Variants in PDK3 observed in about 807,000 individuals in gnomAD.
PDK3 encodes pyruvate dehydrogenase kinase, isozyme 3.
PDK3 carries 12 observed loss-of-function variants against 32.0 expected under a neutral mutation model. That is an observed-to-expected ratio of 0.37 (90% CI 0.24 to 0.61). The LOEUF is 0.61. Among genes scored for constraint, PDK3 ranks in the 20% least tolerant of loss-of-function variants. PDK3 has a pLI of 0.65. For missense variants in PDK3, 188 were observed against 316.9 expected (o/e 0.59, Z 3.09); for synonymous variants, 122 against 116.3 (o/e 1.05, Z -0.31).
At chrX:24,496,769 ATC>A (rs1921721356) in intron 2 of PDK3, among the ~76,000 whole-genome samples, 6 of 73,018 alleles carry the variant, frequency 8.2e-5, no homozygotes, top group Non-Finnish European at 9.7e-5. Context: ...CCTCAAAATA[ATC>A]TTTTTTTTTT....
Position 24,527,638 on chromosome X carries a change from C to T in PDK3, c.815C>T (p.Thr272Ile). 8.4e-7 allele frequency: 1 copy of T among 1,186,326 alleles called. No homozygotes were observed. The highest frequency in any genetic ancestry group is 2.4e-4 in the Middle Eastern group (1 of 4,254). ...AAAGAGGGCTACCCTGCTGTTAAAA[C>T]CCTCGTTACTTTGGGTAAAGAAGAC... ...DRKEGYPAVK[T>I]LVTLGKEDLS... The change falls in exon 8 of 11, where the codon ACC becomes ATC. Residue 272 changes from threonine (T) to isoleucine (I), a missense_variant. Transcript: ENST00000379162.
chrX:24,467,856 T>C (rs1940077225), intron 1 of PDK3, among the ~76,000 whole-genome samples: 1 of 111,759 alleles, frequency 8.9e-6, no homozygotes, highest in Admixed American at 9.5e-5. Context: ...AGTGGATAAG[T>C]GAATGAAGCC....
chrX:24,479,579 T>G (rs1921196371), intron 1 of PDK3, among the ~76,000 whole-genome samples: 1 of 110,635 alleles, frequency 9.0e-6, no homozygotes, highest in South Asian at 3.8e-4. Flanking sequence ...AGATCAGCAG[T>G]TTGAGACCAG....
At chrX:24,526,082 A>C (rs969000434) in intron 6 of PDK3, 116 bp from the exon 7 acceptor site, 5 of 524,335 alleles carry the variant, frequency 9.5e-6, no homozygotes, top group Non-Finnish European at 1.3e-5. Flanking sequence ...TGGAAACTCA[A>C]ATTAGCCTTT....
At chrX:24,544,856 G>C (rs768969440) in exon 12 of PDK3, among the ~76,000 whole-genome samples, 2 of 112,073 alleles carry the variant, frequency 1.8e-5, no homozygotes, top group East Asian at 5.6e-4. Flanking sequence ...CTTAAACATT[G>C]ACTTTGAAGC....
chrX:24,496,568 C>CTTTTTTTTTTTTGTTTTTTTT (rs1921708734), intron 2 of PDK3, among the ~76,000 whole-genome samples: 1 of 39,324 alleles, frequency 2.5e-5, no homozygotes, highest in Non-Finnish European at 4.4e-5. Context: ...CTACCCCCAT[C>CTTTTTTTTTTTTGTTTTTTTT]TTTTTTTTTT....
rs752980980 is a variant in PDK3 at position 24,534,075 on chromosome X, T to C, written c.*3T>C. The C allele has an allele frequency of 4.2e-6, 5 of 1,191,166 alleles. No individual in the cohort carries two copies. The African/African-American group carries it at 7.0e-5, about 17-fold the overall frequency. ...CAAAATACAAAGCAAAACAGTAATA[T>C]ACCACCTTGATTTCCATTACAAAGT... On this transcript the variant is annotated 3_prime_UTR_variant, in exon 11 of 11. Transcript: ENST00000379162.
At chrX:24,495,541 C>T (rs894176908) in intron 2 of PDK3, among the ~76,000 whole-genome samples, 1 of 112,145 alleles carries the variant, frequency 8.9e-6, no homozygotes, top group African/African-American at 3.2e-5. Flanking sequence ...GATACTTCAC[C>T]TATGTTTATA....
At chrX:24,517,902 C>T (rs1164548251) in intron 5 of PDK3, among the ~76,000 whole-genome samples, 1 of 112,078 alleles carries the variant, frequency 8.9e-6, no homozygotes, top group African/African-American at 3.2e-5. Context: ...TTGTGTGGCT[C>T]ATGGAAATCT....
intron 6 of PDK3, among the ~76,000 whole-genome samples, chrX:24,523,625 C>T (rs780626857): frequency 8.9e-6 from 1 of 112,302 alleles, no homozygotes; most frequent in Non-Finnish European, 1.9e-5. Flanking sequence ...GTACTCTGGC[C>T]GGGTTCAGCC....
exon 12 of PDK3, among the ~76,000 whole-genome samples, chrX:24,544,381 A>G (rs775188349): frequency 5.5e-5 from 6 of 109,633 alleles, no homozygotes; most frequent in African/African-American, 1.7e-4. Flanking sequence ...TCGGCTCCAG[A>G]GTTGGTTTCT....
At chrX:24,478,891 G>T (rs988669176) in intron 1 of PDK3, among the ~76,000 whole-genome samples, 3 of 111,978 alleles carry the variant, frequency 2.7e-5, no homozygotes, top group African/African-American at 6.5e-5. Flanking sequence ...AGGGCATGGA[G>T]GTCAGTATAT....
At chrX:24,517,382 C>G (rs1372277676) in intron 5 of PDK3, among the ~76,000 whole-genome samples, 1 of 110,654 alleles carries the variant, frequency 9.0e-6, no homozygotes, top group African/African-American at 3.3e-5. Flanking sequence ...ACCACCATGC[C>G]TGGCTAATTT....
intron 5 of PDK3, among the ~76,000 whole-genome samples, chrX:24,507,168 C>T (rs1244135489): frequency 9.0e-6 from 1 of 111,129 alleles, no homozygotes. Context: ...TCACTCCCTT[C>T]TACCCTTCTC....
intron 5 of PDK3, among the ~76,000 whole-genome samples, chrX:24,515,859 T>G (rs769641000): frequency 7.2e-5 from 8 of 111,874 alleles, no homozygotes; most frequent in African/African-American, 2.6e-4. Context: ...ACTGATCAAC[T>G]CTTTTAAACA....
chrX:24,534,912 C>T (rs1028837187), downstream of PDK3, among the ~76,000 whole-genome samples: 50 of 112,180 alleles, frequency 4.5e-4, no homozygotes, highest in Admixed American at 1.2e-3. Context: ...AGCTATGATT[C>T]GCACCACTGC....
intron 1 of PDK3, among the ~76,000 whole-genome samples, chrX:24,484,185 T>G (rs894684697): frequency 9.1e-6 from 1 of 110,319 alleles, no homozygotes; most frequent in African/African-American, 3.3e-5. Flanking sequence ...CTAATTTGTT[T>G]GTATTTTTAG....
chrX:24,498,939 A>G, intron 3 of PDK3, 39 bp downstream of exon 3: 3 of 821,998 alleles, frequency 3.6e-6, no homozygotes, highest in Non-Finnish European at 5.2e-6. Flanking sequence ...AAAAATATCT[A>G]GGTAAGAAAG....
chrX:24,525,349 G>T lies in PDK3; in HGVS notation c.674-849G>T, dbSNP rs1029174933. On this transcript the variant is annotated intron_variant, in intron 6 of 10. Coordinates refer to ENST00000379162, the MANE Select transcript of PDK3 (RefSeq NM_005391.5). The stretch of plus-strand genomic sequence containing the variant: ...TCTAGGAGCCAGGAAGTGTTGTCAG[G>T]AGGAGTCAATTGAATAATGTATGTG... Among the ~76,000 whole-genome samples, 4 of 111,033 alleles carry T rather than the reference G, an allele frequency of 3.6e-5. No homozygotes were observed. In the Admixed American group the frequency reaches 3.8e-4, roughly 11 times the overall value.
Sources: gnomAD v4.1 joint callset for allele counts (sites outside exome capture counted in the v4.1 genomes callset) on GRCh38, gnomAD v4.1.1 for gene constraint, MANE v1.5 for transcripts, NCBI Gene and HGNC (gene_info 2026-07-23, HGNC 2026-07-21) for gene names.